The following MYH9 variants were observed in gnomAD, a reference collection of about 807,000 sequenced individuals.
MYH9 encodes myosin-9.
Under a neutral mutation model 241.9 loss-of-function variants are expected in MYH9, and 29 were observed. That is an observed-to-expected ratio of 0.12 (90% CI 0.09 to 0.16). MYH9 has a LOEUF of 0.16. Among genes scored for constraint, MYH9 ranks in the 10% least tolerant of loss-of-function variants. MYH9 has a pLI of 1.00. For missense variants in MYH9, 1,803 were observed against 2,595.5 expected, an observed-to-expected ratio of 0.69 and a Z score of 6.63; for synonymous variants, 1,047 against 1,062.6, an observed-to-expected ratio of 0.99 and a Z score of 0.29.
intron 35 of MYH9, chr22:36,286,191 T>C (rs2016577219): frequency 1.6e-6 from 1 of 610,178 alleles, no homozygotes; most frequent in Non-Finnish European, 2.9e-6. Flanking sequence ...TGCCAGGGTA[T>C]GGCGATAAGT....
At chr22:36,359,123 C>G (rs2017898566) in intron 1 of MYH9, among the ~76,000 whole-genome samples, 1 of 152,200 alleles carries the variant, frequency 6.6e-6, no homozygotes, top group South Asian at 2.1e-4. Context: ...AAAAAGATGT[C>G]TCATATCTAT....
At chr22:36,348,245 G>A (rs906349148) in intron 2 of MYH9, among the ~76,000 whole-genome samples, 2 of 150,468 alleles carry the variant, frequency 1.3e-5, no homozygotes, top group Non-Finnish European at 3.0e-5. Flanking sequence ...GCGGTGGCTC[G>A]CGCCTGTAAT....
chr22:36,352,256 T>G (rs1260967254), intron 1 of MYH9, among the ~76,000 whole-genome samples: 1 of 152,136 alleles, frequency 6.6e-6, no homozygotes. Flanking sequence ...CCGGATGTTA[T>G]CAGGTAGGCA....
At chr22:36,355,848 C>G (rs538250153) in intron 1 of MYH9, among the ~76,000 whole-genome samples, 49 of 152,296 alleles carry the variant, frequency 3.2e-4, no homozygotes, top group African/African-American at 1.2e-3. Flanking sequence ...GAGAACCCCC[C>G]CTTTATTAAT....
chr22:36,348,470 T>C (rs1267907025), intron 2 of MYH9, among the ~76,000 whole-genome samples: 3 of 148,594 alleles, frequency 2.0e-5, no homozygotes, highest in African/African-American at 4.9e-5. Flanking sequence ...GATCACACCA[T>C]TGCACTCCAG....
chr22:36,283,965 G>T, intron 40 of MYH9, 128 bp downstream of exon 40: 41 of 1,118,294 alleles, frequency 3.7e-5, no homozygotes, highest in Admixed American at 1.7e-4. Flanking sequence ...AGCCAGAAGG[G>T]GCAGGGATTG....
intron 1 of MYH9, among the ~76,000 whole-genome samples, chr22:36,359,341 T>C (rs1387085154): frequency 6.6e-6 from 1 of 152,194 alleles, no homozygotes; most frequent in Non-Finnish European, 1.5e-5. Flanking sequence ...AAAGACTTAA[T>C]GGGGAAGGTC....
Position 36,282,764 on chromosome 22 carries a change from G to A in MYH9, c.5787C>T (p.Val1929=), listed in dbSNP as rs367698156. The A allele has an allele frequency of 2.7e-5, 44 of 1,612,322 alleles. No individual in the cohort carries two copies. The Middle Eastern group carries it at 5.0e-4, about 18-fold the overall frequency. Residue 1929 remains valine (V), a synonymous_variant, in exon 41 of 41, where the codon GTC becomes GTT. Coordinates refer to ENST00000216181, the MANE Select transcript of MYH9 (RefSeq NM_002473.6). ...CTTTCCGGGCCATTCGGCGGGGCAC[G>A]ACAAACGGCAGGTCCCCGCGCCTGG... ...NKLRRGDLPF[V]VPRRMARKGA... is the part of the protein sequence containing the mutation.
At chr22:36,367,984 A>G (rs1387609448) in intron 1 of MYH9, among the ~76,000 whole-genome samples, 1 of 152,122 alleles carries the variant, frequency 6.6e-6, no homozygotes, top group Non-Finnish European at 1.5e-5. Context: ...GACCTGTGCA[A>G]ACAGACATGC....
intron 3 of MYH9, among the ~76,000 whole-genome samples, chr22:36,331,415 C>A (rs1195545657): frequency 6.6e-6 from 1 of 152,218 alleles, no homozygotes; most frequent in African/African-American, 2.4e-5. Context: ...GTCCTGAGGC[C>A]AAGCCCATGC....
chr22:36,302,077 G>C (rs1292970331), intron 20 of MYH9, among the ~76,000 whole-genome samples: 1 of 152,184 alleles, frequency 6.6e-6, no homozygotes, highest in Non-Finnish European at 1.5e-5. Flanking sequence ...AGCTATGGAA[G>C]AATGTATACT....
chr22:36,319,356 C>T (rs2017211486), intron 10 of MYH9, among the ~76,000 whole-genome samples, 184 bp downstream of exon 10: 1 of 152,046 alleles, frequency 6.6e-6, no homozygotes, highest in Admixed American at 6.6e-5. Context: ...TTCTGAAATG[C>T]TTACTTGGTG....
rs2016594190 is a variant in MYH9, at chr22:36,286,855, G to A, written c.4933-9C>T. 2 of 1,605,200 alleles carry A rather than the reference G, an allele frequency of 1.2e-6. No individual in the cohort carries two copies. The highest frequency in any genetic ancestry group is 1.7e-6 in the Non-Finnish European group (2 of 1,179,964). On this transcript the variant is annotated splice_polypyrimidine_tract_variant and intron_variant, in intron 34 of 40. Coordinates refer to ENST00000216181, the MANE Select transcript of MYH9 (RefSeq NM_002473.6). ...CAGTCCTTCATCTGGGCCTGGGGTG[G>A]GGACAGAGGCTTGGCACCCCACCCA...
intron 1 of MYH9, among the ~76,000 whole-genome samples, chr22:36,382,499 G>A (rs895575564): frequency 1.4e-5 from 2 of 147,066 alleles, no homozygotes; most frequent in African/African-American, 5.0e-5. Context: ...AGAGTGCCTA[G>A]GAAATTAAAA....
Position 36,295,481 on chromosome 22 carries a change from G to T in MYH9, c.3485+24C>A. 1.2e-6 allele frequency: 2 copies of T among 1,605,918 alleles called. No individual in the cohort carries two copies. The highest frequency in any genetic ancestry group is 8.5e-7 in the Non-Finnish European group (1 of 1,176,340). On this transcript the variant is annotated intron_variant, in intron 26 of 40. Transcript: ENST00000216181. This position sits in a 1 kb window ranked among gnomAD's most constrained non-coding sequence, Gnocchi z 4.1. ...CCCCCCTGGCTGCCCTCCCCATCCCGAGGGACTTGGTCCCAGGGCACACCT... is the reference window on the plus strand; with the variant it reads ...CCCCCCTGGCTGCCCTCCCCATCCCTAGGGACTTGGTCCCAGGGCACACCT...
intron 1 of MYH9, among the ~76,000 whole-genome samples, chr22:36,374,123 C>G (rs906799956): frequency 6.6e-6 from 1 of 151,932 alleles, no homozygotes; most frequent in Non-Finnish European, 1.5e-5. Flanking sequence ...TGGCTCACAC[C>G]TGTAATTCTA....
At chr22:36,343,558 A>AAT (rs1266966665) in intron 2 of MYH9, among the ~76,000 whole-genome samples, 2 of 151,084 alleles carry the variant, frequency 1.3e-5, no homozygotes, top group Non-Finnish European at 3.0e-5. Flanking sequence ...TAAAAAAAAA[A>AAT]AAAAAAAAAG....
intron 40 of MYH9, 108 bp from the exon 41 acceptor site, chr22:36,282,893 T>C: frequency 2.0e-6 from 2 of 990,256 alleles, no homozygotes; most frequent in East Asian, 5.3e-5. Context: ...ACCAGGTGCC[T>C]GGCTGCTCCC....
At chr22:36,331,195 T>G (rs989621469) in intron 3 of MYH9, among the ~76,000 whole-genome samples, 1 of 152,006 alleles carries the variant, frequency 6.6e-6, no homozygotes, top group Admixed American at 6.5e-5. Context: ...TCTCTGGGAA[T>G]GAAGGGACTG....
Sources: gnomAD v4.1 joint callset for allele counts (sites outside exome capture counted in the v4.1 genomes callset) on GRCh38, gnomAD v4.1.1 for gene constraint, Gnocchi (gnomAD v3.1) non-coding constraint, MANE v1.5 for transcripts, NCBI Gene and HGNC (gene_info 2026-07-23, HGNC 2026-07-21) for gene names.